The following RBPMS variants were observed in gnomAD, a reference collection of about 807,000 sequenced individuals.
RBPMS encodes the protein RNA binding protein, mRNA processing factor.
A neutral mutation model predicts 26.8 loss-of-function variants in RBPMS; 7 were observed. The ratio of observed to expected loss-of-function variants is 0.26; its 90% CI spans 0.15 to 0.49. The LOEUF is 0.49. Ranked by LOEUF, RBPMS falls within the 20% of genes least tolerant of loss-of-function variation. RBPMS has a pLI of 0.98. For synonymous variants in RBPMS, 96 were observed against 93.3 expected (o/e 1.03, Z -0.17); for missense variants, 186 against 250.0 (o/e 0.74, Z 1.73).
rs1230376966 is a variant in RBPMS at position 30,384,601 on chromosome 8, G to GCGCTCCTCCGCCC, written c.-482_-470dup. On this transcript the variant is annotated 5_prime_UTR_variant, in exon 1 of 9. Transcript: ENST00000397323. The surrounding 1 kb of genome is among the most constrained non-coding windows in gnomAD (Gnocchi z 5.6). ...GGTCCCAGCGTCCCAGCCGCGGCCC[G>GCGCTCCTCCGCCC]CGCTCCTCCGCCCCGCTCCTCCTCC... The GCGCTCCTCCGCCC allele has an allele frequency of 2.0e-4, 32 of 157,370 alleles. No homozygotes were observed. In the East Asian group the frequency reaches 4.1e-3, roughly 20 times the overall value. The allele number at this position is 157,370 out of a possible 1,614,324, so 9.7% of individuals were successfully genotyped here.
chr8:30,430,742 T>C (rs11988241), intron 1 of RBPMS, among the ~76,000 whole-genome samples: 32,068 of 152,178 alleles, frequency 0.21, 3,713 homozygotes, highest in East Asian at 0.32. Flanking sequence ...TATTTAGTGG[T>C]TTCTCCTAAA....
intron 1 of RBPMS, among the ~76,000 whole-genome samples, chr8:30,438,825 G>T (rs989594597): frequency 6.6e-6 from 1 of 152,096 alleles, no homozygotes; most frequent in East Asian, 1.9e-4. Context: ...CCCGGCTGGA[G>T]TGCAGTGGTG....
chr8:30,387,275 A>C (rs932687617), intron 1 of RBPMS: 1 of 152,188 alleles, frequency 6.6e-6, no homozygotes, highest in East Asian at 1.9e-4. Flanking sequence ...AGGGGGGTTT[A>C]TAATGTCAGA....
At chr8:30,530,815 A>C (rs559856835) in intron 5 of RBPMS, among the ~76,000 whole-genome samples, 1 of 152,278 alleles carries the variant, frequency 6.6e-6, no homozygotes, top group African/African-American at 2.4e-5. Flanking sequence ...ACAACCTATG[A>C]GAATAGGTAC....
chr8:30,519,458 CTTTTT>C (rs36017963), intron 5 of RBPMS, among the ~76,000 whole-genome samples: 1 of 89,458 alleles, frequency 1.1e-5, no homozygotes, highest in African/African-American at 4.4e-5. Context: ...GGATCTCTCT[CTTTTT>C]TTTTTTTTTT....
chr8:30,439,022 C>T (rs947222610), intron 1 of RBPMS, among the ~76,000 whole-genome samples: 1 of 152,174 alleles, frequency 6.6e-6, no homozygotes, highest in African/African-American at 2.4e-5. Flanking sequence ...TGTGATCCAC[C>T]TGCTTTGGCC....
intron 1 of RBPMS, among the ~76,000 whole-genome samples, chr8:30,434,586 C>T (rs184522257): frequency 5.3e-5 from 8 of 151,860 alleles, no homozygotes; most frequent in Non-Finnish European, 8.8e-5. Context: ...TGCCTGTAAA[C>T]CCAGCTACCC....
intron 5 of RBPMS, among the ~76,000 whole-genome samples, chr8:30,509,770 C>T (rs1821396633): frequency 6.6e-6 from 1 of 152,182 alleles, no homozygotes; most frequent in Non-Finnish European, 1.5e-5. Context: ...GAACGGGACA[C>T]AAGGGAATGA....
intron 1 of RBPMS, chr8:30,445,150 T>C (rs1384793426): frequency 6.6e-6 from 1 of 152,170 alleles, no homozygotes; most frequent in Non-Finnish European, 1.5e-5. Context: ...TAATATCTAT[T>C]GAAAATACAC....
intron 1 of RBPMS, among the ~76,000 whole-genome samples, chr8:30,425,430 C>T (rs963333923): frequency 6.0e-5 from 9 of 150,580 alleles, no homozygotes; most frequent in African/African-American, 1.2e-4. Context: ...AATGGAGTTT[C>T]GCTCTTGTTG....
intron 5 of RBPMS, among the ~76,000 whole-genome samples, chr8:30,541,829 C>T (rs1825418764): frequency 6.6e-6 from 1 of 152,220 alleles, no homozygotes; most frequent in African/African-American, 2.4e-5. Context: ...AAACCAGTCT[C>T]TCTAGCTTTT....
intron 1 of RBPMS, among the ~76,000 whole-genome samples, chr8:30,435,563 C>A (rs1445965688): frequency 6.6e-6 from 1 of 152,144 alleles, no homozygotes; most frequent in Non-Finnish European, 1.5e-5. Context: ...ATTTAAGATT[C>A]CATTCATATC....
intron 4 of RBPMS, among the ~76,000 whole-genome samples, chr8:30,496,294 A>G (rs553939883): frequency 1.3e-5 from 2 of 151,406 alleles, no homozygotes; most frequent in South Asian, 2.1e-4. Flanking sequence ...TCAGCCTCCC[A>G]AGTATCTGGG....
chr8:30,407,916 T>C (rs1450175244), intron 1 of RBPMS, among the ~76,000 whole-genome samples: 1 of 147,704 alleles, frequency 6.8e-6, no homozygotes, highest in Non-Finnish European at 1.5e-5. Flanking sequence ...AGAAGTTTGC[T>C]TCAAGGGAAC....
chr8:30,544,936 T>C (rs1275585118), intron 6 of RBPMS: 9 of 1,474,922 alleles, frequency 6.1e-6, no homozygotes, highest in Non-Finnish European at 7.2e-6. Context: ...CTAGAGGGCA[T>C]CACCAGAGTG....
chr8:30,520,573 C>T (rs1457246770), intron 5 of RBPMS, among the ~76,000 whole-genome samples: 1 of 152,120 alleles, frequency 6.6e-6, no homozygotes, highest in Non-Finnish European at 1.5e-5. Flanking sequence ...AGTCTCACTT[C>T]CTAATGGTTC....
intron 1 of RBPMS, among the ~76,000 whole-genome samples, chr8:30,435,348 C>T (rs1482921940): frequency 2.6e-5 from 4 of 152,182 alleles, no homozygotes; most frequent in Admixed American, 2.6e-4. Context: ...ATTGAAAACA[C>T]TTCTGGTCCC....
intron 1 of RBPMS, among the ~76,000 whole-genome samples, chr8:30,463,062 A>G (rs1816111056): frequency 6.6e-6 from 1 of 152,190 alleles, no homozygotes; most frequent in African/African-American, 2.4e-5. Flanking sequence ...CAGTTGCATG[A>G]TAATACCATC....
At chr8:30,532,010 G>T (rs1824272716) in intron 5 of RBPMS, among the ~76,000 whole-genome samples, 1 of 152,078 alleles carries the variant, frequency 6.6e-6, no homozygotes, top group African/African-American at 2.4e-5. Context: ...ACATTTCCCT[G>T]GTGAAGCTGG....
Sources: gnomAD v4.1 joint callset for allele counts (sites outside exome capture counted in the v4.1 genomes callset) on GRCh38, gnomAD v4.1.1 for gene constraint, Gnocchi (gnomAD v3.1) non-coding constraint, MANE v1.5 for transcripts, NCBI Gene and HGNC (gene_info 2026-07-23, HGNC 2026-07-21) for gene names.